Variants in FBXL17 observed in about 807,000 individuals in gnomAD.
FBXL17 encodes F-box and leucine rich repeat protein 17.
FBXL17 carries 22 observed loss-of-function variants against 66.2 expected under a neutral mutation model. The observed-to-expected ratio is 0.33, with a 90% CI of 0.24 to 0.47. The LOEUF (loss-of-function observed/expected upper bound fraction) is 0.47, where lower values mean the gene tolerates loss of function less well. FBXL17 is among the 20% of genes least tolerant of loss of function. The probability of loss-of-function intolerance (pLI) is 1.00; values close to 1 mark genes in which losing one functional copy is unlikely to be tolerated. For synonymous variants in FBXL17, 474 were observed against 400.5 expected, an observed-to-expected ratio of 1.18 and a Z score of -2.19; for missense variants, 878 against 948.2, an observed-to-expected ratio of 0.93 and a Z score of 0.97.
At chr5:108,140,358 T>C (rs1392013699) in intron 6 of FBXL17, among the ~76,000 whole-genome samples, 1 of 152,142 alleles carries the variant, frequency 6.6e-6, no homozygotes, top group Non-Finnish European at 1.5e-5. Flanking sequence ...CACCATGTCT[T>C]TTGCTAAGAA....
chr5:108,319,016 T>C (rs1017298265), intron 4 of FBXL17, among the ~76,000 whole-genome samples: 1 of 151,838 alleles, frequency 6.6e-6, no homozygotes, highest in African/African-American at 2.4e-5. Flanking sequence ...ACATGGAGCA[T>C]TCTGCTTTGT....
At chr5:108,226,761 T>A (rs1755118463) in intron 4 of FBXL17, among the ~76,000 whole-genome samples, 1 of 152,188 alleles carries the variant, frequency 6.6e-6, no homozygotes, top group African/African-American at 2.4e-5. Flanking sequence ...AAAGTCAGTG[T>A]AACGGAGAAT....
chr5:108,032,242 T>C (rs1178897064), intron 6 of FBXL17, among the ~76,000 whole-genome samples: 4 of 152,158 alleles, frequency 2.6e-5, no homozygotes, highest in African/African-American at 7.2e-5. Flanking sequence ...AGTCCATTTT[T>C]TTTTATTTAG....
chr5:107,949,167 C>T (rs1751412448), intron 7 of FBXL17, among the ~76,000 whole-genome samples: 1 of 135,610 alleles, frequency 7.4e-6, no homozygotes, highest in South Asian at 2.5e-4. Context: ...CACACCACAT[C>T]TGTCAATGCA....
chr5:108,304,619 C>G (rs1049078792), intron 4 of FBXL17, among the ~76,000 whole-genome samples: 4 of 151,754 alleles, frequency 2.6e-5, no homozygotes, highest in Non-Finnish European at 5.9e-5. Flanking sequence ...ATCTGCAAGC[C>G]CTTTGGGTTG....
At chr5:108,040,214 C>T (rs1442056881) in intron 6 of FBXL17, among the ~76,000 whole-genome samples, 1 of 152,118 alleles carries the variant, frequency 6.6e-6, no homozygotes, top group Non-Finnish European at 1.5e-5. Context: ...TCTACCTTCA[C>T]TCTACAAACA....
chr5:108,070,053 A>C (rs544934431), intron 6 of FBXL17, among the ~76,000 whole-genome samples: 1 of 152,364 alleles, frequency 6.6e-6, no homozygotes, highest in South Asian at 2.1e-4. Flanking sequence ...AATTAAAATA[A>C]TATGCATTAA....
chr5:108,074,838 A>G (rs2149912458), intron 6 of FBXL17, among the ~76,000 whole-genome samples: 1 of 152,342 alleles, frequency 6.6e-6, no homozygotes, highest in Non-Finnish European at 1.5e-5. Context: ...CACTGGTGAG[A>G]GCTGCAGTTT....
intron 4 of FBXL17, among the ~76,000 whole-genome samples, chr5:108,331,099 T>C (rs1333818371): frequency 6.6e-6 from 1 of 152,144 alleles, no homozygotes; most frequent in East Asian, 1.9e-4. Flanking sequence ...ATACAATTGA[T>C]CATAACTTGT....
chr5:108,289,813 C>T (rs1758040391), intron 4 of FBXL17, among the ~76,000 whole-genome samples: 1 of 152,088 alleles, frequency 6.6e-6, no homozygotes, highest in South Asian at 2.1e-4. Context: ...CGATAACATC[C>T]TTAAAGCAAC....
chr5:108,321,659 T>C (rs1759624121), intron 4 of FBXL17, among the ~76,000 whole-genome samples: 1 of 151,016 alleles, frequency 6.6e-6, no homozygotes, highest in Non-Finnish European at 1.5e-5. Context: ...TTTCTAACTA[T>C]AACTCAAAAC....
chr5:108,179,472 G>A (rs910292324), intron 6 of FBXL17, among the ~76,000 whole-genome samples: 1 of 152,104 alleles, frequency 6.6e-6, no homozygotes, highest in Non-Finnish European at 1.5e-5. Context: ...AGAGAGAATA[G>A]TATTAAGATT....
intron 6 of FBXL17, among the ~76,000 whole-genome samples, chr5:108,154,626 C>T (rs538495611): frequency 0.013 from 1,259 of 100,656 alleles, 25 homozygotes; most frequent in Non-Finnish European, 0.018. Flanking sequence ...TACACACACA[C>T]ACACACACAC....
At chr5:108,116,171 G>A (rs1234964918) in intron 6 of FBXL17, among the ~76,000 whole-genome samples, 3 of 152,060 alleles carry the variant, frequency 2.0e-5, no homozygotes, top group Non-Finnish European at 4.4e-5. Context: ...ATATAATAAG[G>A]AGCATAGTAA....
intron 5 of FBXL17, among the ~76,000 whole-genome samples, chr5:108,220,654 C>T (rs1228073253): frequency 1.3e-5 from 2 of 152,106 alleles, no homozygotes; most frequent in Non-Finnish European, 2.9e-5. Flanking sequence ...CTTTTCAATG[C>T]TCAAAATATC....
intron 6 of FBXL17, among the ~76,000 whole-genome samples, chr5:108,027,326 T>A (rs1754862058): frequency 6.6e-6 from 1 of 152,136 alleles, no homozygotes; most frequent in African/African-American, 2.4e-5. Context: ...GTAACAAACT[T>A]GCAATAAACT....
At chr5:108,322,280 TAA>T (rs2150220887) in intron 4 of FBXL17, among the ~76,000 whole-genome samples, 1 of 152,048 alleles carries the variant, frequency 6.6e-6, no homozygotes, top group East Asian at 1.9e-4. Context: ...TGGCATATCC[TAA>T]GTGTCTAGCA....
chr5:107,935,612 TAGAG>T (rs1719886179), intron 7 of FBXL17, among the ~76,000 whole-genome samples: 1 of 152,076 alleles, frequency 6.6e-6, no homozygotes, highest in Non-Finnish European at 1.5e-5. Context: ...GGAGCAACAA[TAGAG>T]AGGTAGTAAT....
intron 7 of FBXL17, among the ~76,000 whole-genome samples, chr5:107,932,443 A>T (rs879312705): frequency 6.6e-6 from 1 of 152,192 alleles, no homozygotes; most frequent in African/African-American, 2.4e-5. Flanking sequence ...AGGTAGAATT[A>T]CTGTAAAGAA....
Sources: gnomAD v4.1 joint callset for allele counts (sites outside exome capture counted in the v4.1 genomes callset) on GRCh38, gnomAD v4.1.1 for gene constraint, MANE v1.5 for transcripts, NCBI Gene and HGNC (gene_info 2026-07-23, HGNC 2026-07-21) for gene names.